The following CCDC7 variants were observed in gnomAD, a reference collection of about 807,000 sequenced individuals.
The protein encoded by CCDC7 is coiled-coil domain-containing protein 7.
Under a neutral mutation model 196.9 loss-of-function variants are expected in CCDC7, and 183 were observed. That is an observed-to-expected ratio of 0.93 (90% confidence interval 0.82 to 1.05). CCDC7 has a LOEUF of 1.05. Among genes scored for constraint, CCDC7 ranks in the 50% least tolerant of loss-of-function variants. The pLI is 0.00. For synonymous variants in CCDC7, 525 were observed against 484.6 expected, an observed-to-expected ratio of 1.08 and a Z score of -1.10; for missense variants, 1,540 against 1,482.2, an observed-to-expected ratio of 1.04 and a Z score of -0.64.
intron 11 of CCDC7, among the ~76,000 whole-genome samples, chr10:32,541,616 A>T (rs2051448540): frequency 6.6e-6 from 1 of 152,230 alleles, no homozygotes; most frequent in Non-Finnish European, 1.5e-5. Flanking sequence ...ATACATGGAT[A>T]AATCATACAG....
At chr10:32,468,153 T>C (rs2037227584) in intron 5 of CCDC7, among the ~76,000 whole-genome samples, 1 of 152,186 alleles carries the variant, frequency 6.6e-6, no homozygotes, top group Admixed American at 6.5e-5. Context: ...AGGAATATCA[T>C]TGGATTTATA....
chr10:32,471,198 A>G (rs1313404452), exon 6 of CCDC7: 3 of 1,610,032 alleles, frequency 1.9e-6, no homozygotes, highest in South Asian at 1.1e-5. Flanking sequence ...AGAGGTCTAA[A>G]TCCTCCGTGA....
At chr10:32,592,089 G>A (rs1314057567) in intron 18 of CCDC7, among the ~76,000 whole-genome samples, 1 of 152,090 alleles carries the variant, frequency 6.6e-6, no homozygotes, top group African/African-American at 2.4e-5. Context: ...GTCTTGGTAG[G>A]TTGGTGTTTC....
chr10:32,639,852 C>T (rs1245522714), intron 20 of CCDC7, among the ~76,000 whole-genome samples: 2 of 152,036 alleles, frequency 1.3e-5, no homozygotes, highest in African/African-American at 2.4e-5. Flanking sequence ...CTCCTGACCT[C>T]GTGATCCGCC....
At chr10:32,717,910 A>AT (rs2081866846) in intron 25 of CCDC7, among the ~76,000 whole-genome samples, 2 of 144,364 alleles carry the variant, frequency 1.4e-5, no homozygotes, top group African/African-American at 4.9e-5. Context: ...AAAAAAAAAA[A>AT]AGCCCAGGGC....
intron 28 of CCDC7, among the ~76,000 whole-genome samples, chr10:32,777,225 T>A (rs1013316906): frequency 1.3e-5 from 2 of 152,206 alleles, no homozygotes; most frequent in Admixed American, 6.5e-5. Context: ...TCTTTTTTAT[T>A]GCTGTTTATT....
At position 32,670,155 on chromosome 10, in the gene CCDC7, C is replaced by A. The variant is rs141457890; in HGVS notation, c.2122+5994C>A. Among the ~76,000 whole-genome samples, 220 of 152,068 alleles carry A rather than the reference C, an allele frequency of 1.4e-3. 5 individuals carry two copies. The East Asian group carries it at 0.021, about 15-fold the overall frequency. The stretch of plus-strand genomic sequence containing the variant: ...TCTTCCCTCTGGATCATTCCCTTTT[C>A]GTTAATATATTCTTTCTTTATAATG... On this transcript the variant is annotated intron_variant, in intron 21 of 41. Transcript: ENST00000639629.
At position 32,624,622 on chromosome 10, in the gene CCDC7, A is replaced by G. The variant is rs531237457; in HGVS notation, c.1802-9632A>G. Among the ~76,000 whole-genome samples, 217 of 152,238 alleles carry G rather than the reference A, an allele frequency of 1.4e-3. 1 individual carries two copies. Among genetic ancestry groups the G allele is most frequent in the African/African-American group, 5.0e-3 (206 of 41,548 alleles). ...GGACAAGTTTCTTATCCATAGAGTC[A>G]TCTGGTTACCTAGACTCCTTCTATC... On this transcript the variant is annotated intron_variant, in intron 18 of 41. Transcript: ENST00000639629.
intron 24 of CCDC7, among the ~76,000 whole-genome samples, chr10:32,701,687 A>G (rs1247745632): frequency 6.6e-6 from 1 of 152,150 alleles, no homozygotes; most frequent in African/African-American, 2.4e-5. Flanking sequence ...TATTGCCTCA[A>G]TTTCAGAGCC....
At chr10:32,600,326 A>T (rs1418792769) in intron 18 of CCDC7, among the ~76,000 whole-genome samples, 2 of 151,192 alleles carry the variant, frequency 1.3e-5, no homozygotes, top group African/African-American at 4.9e-5. Flanking sequence ...AGCTATTGTA[A>T]AAAAGATTGA....
chr10:32,651,403 G>C (rs539216269), intron 20 of CCDC7, among the ~76,000 whole-genome samples: 1 of 152,144 alleles, frequency 6.6e-6, no homozygotes, highest in Admixed American at 6.5e-5. Flanking sequence ...AATTATGTTG[G>C]TATAGTCGAA....
chr10:32,651,275 A>G (rs1411572566), intron 20 of CCDC7, among the ~76,000 whole-genome samples: 1 of 152,150 alleles, frequency 6.6e-6, no homozygotes, highest in African/African-American at 2.4e-5. Flanking sequence ...TGGTGCTGGG[A>G]AACAGCTGGG....
intron 28 of CCDC7, 42 bp from the exon 30 acceptor site, chr10:32,778,935 G>A (rs773225797): frequency 2.8e-5 from 41 of 1,460,710 alleles, no homozygotes; most frequent in Non-Finnish European, 3.6e-5. Flanking sequence ...CAAAATGTTA[G>A]TTTTTTAAAT....
intron 15 of CCDC7, among the ~76,000 whole-genome samples, chr10:32,568,670 C>T (rs974733446): frequency 9.2e-5 from 14 of 152,188 alleles, no homozygotes; most frequent in African/African-American, 2.9e-4. Flanking sequence ...AGCAGCACAA[C>T]TTAAAATCTG....
chr10:32,854,335 C>A, intron 40 of CCDC7, 65 bp from the exon 42 acceptor site: 1 of 957,228 alleles, frequency 1.0e-6, no homozygotes, highest in Non-Finnish European at 1.6e-6. Flanking sequence ...TTTATTTTAA[C>A]ATTTTAAAAG....
At chr10:32,694,660 A>G (rs549930682) in intron 23 of CCDC7, among the ~76,000 whole-genome samples, 9 of 152,322 alleles carry the variant, frequency 5.9e-5, no homozygotes, top group Non-Finnish European at 8.8e-5. Context: ...AGTGACTAAT[A>G]TATATCAGAT....
intron 18 of CCDC7, among the ~76,000 whole-genome samples, chr10:32,621,938 T>C (rs1024945984): frequency 1.2e-4 from 19 of 152,208 alleles, no homozygotes; most frequent in Admixed American, 9.2e-4. Context: ...TTTTACTAGC[T>C]ATCTGGGCAT....
At chr10:32,488,778 A>G (rs767788688) in intron 8 of CCDC7, among the ~76,000 whole-genome samples, 1 of 152,184 alleles carries the variant, frequency 6.6e-6, no homozygotes, top group Non-Finnish European at 1.5e-5. Context: ...CCTTAAAACT[A>G]TTATTTGAAT....
At chr10:32,544,468 T>C (rs1472221533) in intron 13 of CCDC7, 167 bp downstream of exon 14, 21 of 510,812 alleles carry the variant, frequency 4.1e-5, no homozygotes, top group Middle Eastern at 5.1e-4. Flanking sequence ...ATAATGTCTT[T>C]CTTGTTGATG....
Sources: gnomAD v4.1 joint callset for allele counts (sites outside exome capture counted in the v4.1 genomes callset) on GRCh38, gnomAD v4.1.1 for gene constraint, MANE v1.5 for transcripts, NCBI Gene and HGNC (gene_info 2026-07-23, HGNC 2026-07-21) for gene names.